Variants in CCNY observed in about 807,000 individuals in gnomAD.
The protein encoded by CCNY is cyclin-Y.
In CCNY, 19 loss-of-function variants were observed where a neutral mutation model predicts 42.8. That is an observed-to-expected ratio of 0.44 (90% CI 0.31 to 0.65). The LOEUF (loss-of-function observed/expected upper bound fraction) is 0.65, where lower values mean the gene tolerates loss of function less well. CCNY is among the 30% of genes least tolerant of loss of function. CCNY has a pLI of 0.07. For missense variants in CCNY, 370 were observed against 437.3 expected, an observed-to-expected ratio of 0.85 and a Z score of 1.37; for synonymous variants, 165 against 162.7, an observed-to-expected ratio of 1.01 and a Z score of -0.11.
intron 1 of CCNY, among the ~76,000 whole-genome samples, chr10:35,350,786 T>C (rs1336514717): frequency 6.6e-6 from 1 of 152,210 alleles, no homozygotes; most frequent in Non-Finnish European, 1.5e-5. Flanking sequence ...TGCTGCTGGA[T>C]TGAGGAAATG....
At chr10:35,444,440 G>A (rs1325076419) in intron 1 of CCNY, among the ~76,000 whole-genome samples, 2 of 152,062 alleles carry the variant, frequency 1.3e-5, no homozygotes, top group Admixed American at 1.3e-4. Context: ...TAGATAAGGG[G>A]TTTCACCATG....
intron 1 of CCNY, among the ~76,000 whole-genome samples, chr10:35,465,938 A>AGAGAGAGAGAGTGTGTGTGTGTGTGT: frequency 1.2e-5 from 1 of 80,960 alleles, no homozygotes; most frequent in African/African-American, 4.4e-5. Context: ...AGAGAGAGAG[A>AGAGAGAGAGAGTGTGTGTGTGTGTGT]GTGTGTGTGT....
In CCNY at chr10:35,515,892, A is replaced by G. The variant is rs115594164; in HGVS notation, c.265-631A>G. On this transcript the variant is annotated intron_variant, in intron 3 of 9. Coordinates refer to ENST00000374704, the MANE Select transcript of CCNY (RefSeq NM_145012.6). Reference sequence around the variant, plus strand: ...GTACAGTTATGAAAGAACCTGTCATAAGACCACACAAAGAACTATCTAAAG... The same window carrying G: ...GTACAGTTATGAAAGAACCTGTCATGAGACCACACAAAGAACTATCTAAAG... 7.0e-3 allele frequency among the ~76,000 whole-genome samples: 1,068 copies of G among 152,346 alleles called. 10 individuals carry two copies. Among genetic ancestry groups the G allele is most frequent in the African/African-American group, 0.025 (1,019 of 41,576 alleles).
intron 1 of CCNY, among the ~76,000 whole-genome samples, chr10:35,381,505 G>T (rs1175998456): frequency 2.0e-5 from 3 of 151,866 alleles, no homozygotes; most frequent in Non-Finnish European, 4.4e-5. Context: ...GGTGGAGGTT[G>T]CGGTGAGCTG....
At chr10:35,259,112 G>A (rs960744239) in intron 3 of CCNY, among the ~76,000 whole-genome samples, 3 of 152,116 alleles carry the variant, frequency 2.0e-5, no homozygotes, top group Admixed American at 6.6e-5. Flanking sequence ...TTCTAAAACA[G>A]TTATGACAAA....
chr10:35,444,309 G>A (rs370493565), intron 1 of CCNY, among the ~76,000 whole-genome samples: 2 of 150,664 alleles, frequency 1.3e-5, no homozygotes, highest in Non-Finnish European at 2.9e-5. Flanking sequence ...AGTGCAGTGC[G>A]TGATCTTGGC....
intron 3 of CCNY, among the ~76,000 whole-genome samples, chr10:35,505,218 A>G (rs1840191521): frequency 1.3e-5 from 2 of 151,820 alleles, no homozygotes; most frequent in Admixed American, 6.6e-5. Context: ...TTCTATGATT[A>G]TCTTCCTGCC....
intron 3 of CCNY, among the ~76,000 whole-genome samples, chr10:35,324,555 GAA>G (rs1408998690): frequency 6.6e-6 from 1 of 152,202 alleles, no homozygotes; most frequent in East Asian, 1.9e-4. Context: ...AGATCTCATT[GAA>G]AAGAGTTTGT....
intron 1 of CCNY, among the ~76,000 whole-genome samples, chr10:35,456,155 ATGTG>A (rs1003751967): frequency 1.3e-4 from 19 of 151,100 alleles, no homozygotes; most frequent in African/African-American, 4.3e-4. Context: ...GCACTCACAC[ATGTG>A]TTCAAGGTTG....
intron 3 of CCNY, among the ~76,000 whole-genome samples, chr10:35,290,113 C>G (rs1312596273): frequency 6.6e-6 from 1 of 151,804 alleles, no homozygotes; most frequent in Non-Finnish European, 1.5e-5. Context: ...GTAATCCCAG[C>G]TACTCGGCGG....
intron 3 of CCNY, among the ~76,000 whole-genome samples, chr10:35,260,678 A>T (rs3853672): frequency 6.6e-6 from 1 of 152,060 alleles, no homozygotes; most frequent in Non-Finnish European, 1.5e-5. Flanking sequence ...CCAGGCAGGG[A>T]CTGTCACCAG....
intron 4 of CCNY, among the ~76,000 whole-genome samples, chr10:35,525,594 G>A (rs1290116389): frequency 6.6e-6 from 1 of 151,906 alleles, no homozygotes; most frequent in African/African-American, 2.4e-5. Flanking sequence ...TTTTAAACTA[G>A]TAGGTTATGA....
At chr10:35,362,825 G>C (rs112321899) in intron 1 of CCNY, among the ~76,000 whole-genome samples, 1,657 of 146,450 alleles carry the variant, frequency 0.011, 40 homozygotes, top group African/African-American at 0.039. Flanking sequence ...GATAGTTGGC[G>C]GGGGGGCCAG....
At chr10:35,251,197 G>C (rs1476356543) in intron 3 of CCNY, 4 of 152,000 alleles carry the variant, frequency 2.6e-5, no homozygotes, top group Non-Finnish European at 5.9e-5. Context: ...GGGAGTTTGA[G>C]ACCAGCCCAG....
rs2095720991 is a variant in CCNY, at chr10:35,262,712, G to A, written c.-9+12086G>A. On this transcript the variant is annotated intron_variant, in intron 3 of 11. Coordinates refer to the CCNY transcript ENST00000374706. ...ATATCATTGATTGATATTGGGACTG[G>A]GGAGTCTAAAAGTTTGGATTATCCT... is the stretch of plus-strand genomic sequence containing the variant. Among the ~76,000 whole-genome samples, 3 of 152,124 alleles carry A rather than the reference G, an allele frequency of 2.0e-5. No homozygotes were observed. In the South Asian group the frequency reaches 6.2e-4, roughly 32 times the overall value.
chr10:35,553,270 G>A (rs1227626894), intron 8 of CCNY, 85 bp downstream of exon 8: 3 of 1,365,060 alleles, frequency 2.2e-6, no homozygotes. Context: ...TTAATGGTCT[G>A]TATAGCGCAG....
intron 3 of CCNY, among the ~76,000 whole-genome samples, chr10:35,257,850 A>T (rs903846664): frequency 6.6e-6 from 1 of 152,174 alleles, no homozygotes; most frequent in African/African-American, 2.4e-5. Flanking sequence ...TTCTTCTGGG[A>T]TTAGACTTCC....
intron 3 of CCNY, among the ~76,000 whole-genome samples, chr10:35,258,845 G>A (rs1302410320): frequency 6.6e-6 from 1 of 151,786 alleles, no homozygotes; most frequent in Non-Finnish European, 1.5e-5. Flanking sequence ...GCTGAGGCAG[G>A]AGAATGATTG....
intron 1 of CCNY, among the ~76,000 whole-genome samples, chr10:35,383,743 T>C (rs893679848): frequency 6.6e-6 from 1 of 152,184 alleles, no homozygotes; most frequent in African/African-American, 2.4e-5. Context: ...GATAAAGGGA[T>C]CGGGGAATCT....
Sources: gnomAD v4.1 joint callset for allele counts (sites outside exome capture counted in the v4.1 genomes callset) on GRCh38, gnomAD v4.1.1 for gene constraint, MANE v1.5 for transcripts, NCBI Gene and HGNC (gene_info 2026-07-23, HGNC 2026-07-21) for gene names.